Variants in CSMD3 observed in about 807,000 individuals in gnomAD.
CSMD3 encodes the protein CUB and Sushi multiple domains 3.
A neutral mutation model predicts 435.2 loss-of-function variants in CSMD3; 177 were observed. The ratio of observed to expected loss-of-function variants is 0.41; its 90% CI spans 0.36 to 0.46. The LOEUF is 0.46. Ranked by LOEUF, CSMD3 falls within the 20% of genes least tolerant of loss-of-function variation. CSMD3 has a pLI of 0.34. For missense variants in CSMD3, 4,265 were observed against 4,504.6 expected (o/e 0.95, Z 1.52); for synonymous variants, 1,656 against 1,520.5 (o/e 1.09, Z -2.07).
At chr8:112,402,243 G>A (rs1027813948) in intron 35 of CSMD3, among the ~76,000 whole-genome samples, 5 of 152,026 alleles carry the variant, frequency 3.3e-5, no homozygotes, top group African/African-American at 1.2e-4. Context: ...TCAGTCATGC[G>A]GACAAAGCGA....
At chr8:113,334,297 A>ATTTTTTTT (rs2094052880) in intron 1 of CSMD3, among the ~76,000 whole-genome samples, 3 of 126,280 alleles carry the variant, frequency 2.4e-5, no homozygotes, top group Admixed American at 8.1e-5. Flanking sequence ...TTTTTTTTTC[A>ATTTTTTTT]TTTCCAGCCT....
intron 42 of CSMD3, among the ~76,000 whole-genome samples, chr8:112,339,129 T>C (rs183929770): frequency 6.6e-6 from 1 of 152,166 alleles, no homozygotes; most frequent in East Asian, 1.9e-4. Context: ...CTCACCTTTT[T>C]GGCCCAGCAG....
chr8:112,969,223 T>G (rs530901936), intron 7 of CSMD3, among the ~76,000 whole-genome samples: 1 of 152,096 alleles, frequency 6.6e-6, no homozygotes, highest in East Asian at 1.9e-4. Flanking sequence ...TTGTTGAGCC[T>G]TATAAATATT....
At chr8:112,599,091 C>A (rs78625357) in intron 22 of CSMD3, among the ~76,000 whole-genome samples, 9 of 146,548 alleles carry the variant, frequency 6.1e-5, no homozygotes, top group East Asian at 2.0e-4. Context: ...CAACCTACAA[C>A]ATGGGAGAAA....
At chr8:112,409,474 C>T (rs531728000) in intron 32 of CSMD3, among the ~76,000 whole-genome samples, 190 of 151,718 alleles carry the variant, frequency 1.3e-3, no homozygotes, top group African/African-American at 4.5e-3. Flanking sequence ...TTAAGTTGTC[C>T]TTAAAAATGT....
chr8:113,177,336 T>C (rs752679783), intron 3 of CSMD3, among the ~76,000 whole-genome samples: 2 of 151,994 alleles, frequency 1.3e-5, no homozygotes, highest in South Asian at 2.1e-4. Context: ...TTGTAATTCA[T>C]CAGATGTACA....
intron 36 of CSMD3, among the ~76,000 whole-genome samples, chr8:112,384,298 G>T (rs1829746008): frequency 6.6e-6 from 1 of 152,048 alleles, no homozygotes; most frequent in South Asian, 2.1e-4. Context: ...TTATTTTAAT[G>T]AATAGAGTTA....
intron 30 of CSMD3, among the ~76,000 whole-genome samples, chr8:112,493,247 A>G (rs1327439574): frequency 6.6e-6 from 1 of 152,158 alleles, no homozygotes; most frequent in African/African-American, 2.4e-5. Context: ...ATAGTCAAAC[A>G]TAGGGTTTTA....
chr8:112,858,103 C>A (rs2080718014), intron 11 of CSMD3, among the ~76,000 whole-genome samples: 1 of 151,548 alleles, frequency 6.6e-6, no homozygotes, highest in Non-Finnish European at 1.5e-5. Flanking sequence ...ACCAACTCTG[C>A]TGATCTTAGA....
chr8:113,009,267 T>C (rs2086169542), intron 6 of CSMD3, among the ~76,000 whole-genome samples: 1 of 151,724 alleles, frequency 6.6e-6, no homozygotes. Flanking sequence ...ACAACTTTTA[T>C]GTTACTGACA....
rs559745580 is a variant in CSMD3, at chr8:112,496,061, T to C, written c.5084-3378A>G. ...CTCGGCTCACTGCAAGCTCCGCCTC[T>C]CCGGTTCACACCGTTCTCCTGCCTC... On this transcript the variant is annotated intron_variant, in intron 30 of 70. Transcript: ENST00000297405. 4.6e-5 allele frequency among the ~76,000 whole-genome samples: 7 copies of C among 152,062 alleles called. No homozygotes were observed. The South Asian group carries it at 8.3e-4, about 18-fold the overall frequency.
chr8:113,195,795 A>T (rs1360943412), intron 3 of CSMD3, among the ~76,000 whole-genome samples: 1 of 134,086 alleles, frequency 7.5e-6, no homozygotes, highest in Non-Finnish European at 1.6e-5. Context: ...TATATTTTAT[A>T]TATATATATA....
intron 31 of CSMD3, among the ~76,000 whole-genome samples, chr8:112,486,360 C>G (rs1348478399): frequency 1.3e-5 from 2 of 152,080 alleles, no homozygotes; most frequent in African/African-American, 4.8e-5. Context: ...GACTGCTAAC[C>G]ATGTGTGACT....
intron 22 of CSMD3, among the ~76,000 whole-genome samples, chr8:112,620,093 C>G (rs1833954339): frequency 6.6e-6 from 1 of 151,918 alleles, no homozygotes; most frequent in African/African-American, 2.4e-5. Flanking sequence ...AACAAGAAAG[C>G]AATCAGAAAA....
intron 12 of CSMD3, among the ~76,000 whole-genome samples, chr8:112,825,736 G>A (rs2079658552): frequency 6.6e-6 from 1 of 152,104 alleles, no homozygotes; most frequent in Non-Finnish European, 1.5e-5. Flanking sequence ...ACCTCAAGGG[G>A]CACCTATCTG....
intron 10 of CSMD3, among the ~76,000 whole-genome samples, chr8:112,900,422 A>C (rs984320309): frequency 4.0e-5 from 6 of 151,192 alleles, no homozygotes; most frequent in Admixed American, 3.3e-4. Context: ...TGCCCTTTAT[A>C]AAATATTTGA....
At chr8:112,548,714 G>A (rs1014492941) in intron 27 of CSMD3, among the ~76,000 whole-genome samples, 1 of 151,940 alleles carries the variant, frequency 6.6e-6, no homozygotes. Context: ...TTTCAAATCT[G>A]AACACTTGAA....
chr8:113,311,828 G>A (rs895335338), intron 2 of CSMD3: 3 of 151,992 alleles, frequency 2.0e-5, no homozygotes, highest in Non-Finnish European at 4.4e-5. Flanking sequence ...TGTTTACAGT[G>A]AGCAAAACAT....
At chr8:112,956,905 A>T (rs1006967209) in intron 7 of CSMD3, among the ~76,000 whole-genome samples, 8 of 152,142 alleles carry the variant, frequency 5.3e-5, no homozygotes, top group African/African-American at 1.9e-4. Context: ...TGTAATACAG[A>T]TGCAGAAGAT....
Sources: allele counts gnomAD v4.1 joint callset (sites outside exome capture counted in the v4.1 genomes callset), GRCh38; gene constraint gnomAD v4.1.1; transcripts MANE v1.5; gene names NCBI Gene and HGNC (gene_info 2026-07-23, HGNC 2026-07-21).